The following MYO16 variants were observed in gnomAD, a reference collection of about 807,000 sequenced individuals.
MYO16 encodes unconventional myosin-XVI.
In MYO16, 94 loss-of-function variants were observed where a neutral mutation model predicts 205.3. The observed-to-expected ratio is 0.46, with a 90% CI of 0.39 to 0.54. The LOEUF is 0.54. Ranked by LOEUF, MYO16 falls within the 20% of genes least tolerant of loss-of-function variation. The pLI, the probability that MYO16 is intolerant of heterozygous loss-of-function variation, is 0.00. For missense variants in MYO16, 2,315 were observed against 2,387.5 expected, an observed-to-expected ratio of 0.97 and a Z score of 0.63; for synonymous variants, 988 against 954.0, an observed-to-expected ratio of 1.04 and a Z score of -0.66.
chr13:109,149,379 C>G (rs528834785), intron 32 of MYO16, among the ~76,000 whole-genome samples: 9 of 152,214 alleles, frequency 5.9e-5, no homozygotes, highest in African/African-American at 1.9e-4. Context: ...GCAGGTGTTA[C>G]CATCCCTATT....
intron 4 of MYO16, among the ~76,000 whole-genome samples, chr13:108,764,120 T>G (rs1885703330): frequency 6.6e-6 from 1 of 152,114 alleles, no homozygotes; most frequent in South Asian, 2.1e-4. Context: ...GAAATAAAGT[T>G]GCGAACTGCA....
chr13:108,982,776 T>C (rs189131029), intron 20 of MYO16, among the ~76,000 whole-genome samples: 1 of 152,326 alleles, frequency 6.6e-6, no homozygotes, highest in Non-Finnish European at 1.5e-5. Flanking sequence ...TTAGCCTACA[T>C]ATCTCTTTGG....
chr13:108,902,602 T>TG (rs898223791), intron 15 of MYO16, among the ~76,000 whole-genome samples: 6 of 152,218 alleles, frequency 3.9e-5, no homozygotes, highest in African/African-American at 1.4e-4. Flanking sequence ...TTGACCTCTC[T>TG]GGGGGGACCT....
intron 2 of MYO16, among the ~76,000 whole-genome samples, chr13:108,688,602 G>A (rs1416760157): frequency 2.0e-5 from 3 of 152,080 alleles, no homozygotes; most frequent in Non-Finnish European, 4.4e-5. Context: ...ACTTCCCATA[G>A]GTTTCTTCAT....
At chr13:108,800,323 A>G (rs1886933389) in intron 6 of MYO16, among the ~76,000 whole-genome samples, 1 of 152,202 alleles carries the variant, frequency 6.6e-6, no homozygotes, top group African/African-American at 2.4e-5. Context: ...TCTCTTTGCC[A>G]TAAAATTGGG....
intron 11 of MYO16, among the ~76,000 whole-genome samples, chr13:108,864,818 C>G (rs1009331472): frequency 2.6e-5 from 4 of 152,066 alleles, no homozygotes; most frequent in Non-Finnish European, 5.9e-5. Flanking sequence ...GATTATAGGC[C>G]TGAGCCACTG....
intron 34 of MYO16, among the ~76,000 whole-genome samples, chr13:109,181,801 T>A (rs1474050823): frequency 7.1e-6 from 1 of 141,294 alleles, no homozygotes; most frequent in Admixed American, 7.0e-5. Context: ...TTTCATAAAA[T>A]TTATTTATTT....
At chr13:108,499,318 C>A in the MYO16 span, among the ~76,000 whole-genome samples, 1 of 152,188 alleles carries the variant, frequency 6.6e-6, no homozygotes, top group Admixed American at 6.5e-5. Context: ...TAAGGACTGG[C>A]GAGGTGTGCT....
intron 22 of MYO16, among the ~76,000 whole-genome samples, chr13:109,012,439 G>A (rs949534710): frequency 2.0e-5 from 3 of 152,176 alleles, no homozygotes; most frequent in Non-Finnish European, 4.4e-5. Flanking sequence ...GGATCTAGCT[G>A]CACACTCCTT....
chr13:109,040,385 C>CACACACAGAG lies in MYO16; in HGVS notation c.2797-6530_2797-6529insCACACAGAGA, dbSNP rs1394314811. Among the ~76,000 whole-genome samples the CACACACAGAG allele has an allele frequency of 8.4e-3, 952 of 113,272 alleles. 10 individuals carry two copies. Among genetic ancestry groups the CACACACAGAG allele is most frequent in the South Asian group, 0.021 (58 of 2,786 alleles). The allele number at this position is 113,272 out of a possible 152,430, so 74.3% of individuals were successfully genotyped here. On this transcript the variant is annotated intron_variant, in intron 23 of 34. Transcript: ENST00000457511. ...ATACACACACACACACACACACACA[C>CACACACAGAG]AGAGAGAGAGAGAGAGAGAGAGAGA...
intron 25 of MYO16, among the ~76,000 whole-genome samples, chr13:109,053,017 A>G (rs145006240): frequency 1.1e-4 from 17 of 152,254 alleles, no homozygotes; most frequent in Admixed American, 4.6e-4. Context: ...TCAAGATTCT[A>G]TGTGCCAAAA....
At chr13:108,914,274 T>G (rs764847176) in intron 16 of MYO16, among the ~76,000 whole-genome samples, 17 of 151,380 alleles carry the variant, frequency 1.1e-4, no homozygotes, top group Non-Finnish European at 2.1e-4. Context: ...TATCTACTAT[T>G]ATTAAGAATG....
chr13:109,066,435 A>G (rs1335363524), intron 27 of MYO16, among the ~76,000 whole-genome samples: 1 of 152,182 alleles, frequency 6.6e-6, no homozygotes, highest in East Asian at 1.9e-4. Flanking sequence ...CTGCTTGTTT[A>G]AGGTTTAACG....
At chr13:109,115,320 A>G (rs1028544002) in intron 28 of MYO16, among the ~76,000 whole-genome samples, 1 of 151,022 alleles carries the variant, frequency 6.6e-6, no homozygotes, top group Non-Finnish European at 1.5e-5. Flanking sequence ...ATCAATGACA[A>G]TTTTGTTTAA....
intron 21 of MYO16, among the ~76,000 whole-genome samples, chr13:109,001,979 C>T (rs924902803): frequency 6.6e-6 from 1 of 152,116 alleles, no homozygotes; most frequent in African/African-American, 2.4e-5. Flanking sequence ...CTTATATATA[C>T]ACATATATAT....
At chr13:108,525,614 C>T in the MYO16 span, among the ~76,000 whole-genome samples, 7 of 152,236 alleles carry the variant, frequency 4.6e-5, no homozygotes, top group South Asian at 2.1e-4. Flanking sequence ...AGTTAAAAAC[C>T]GCTGATCTTG....
At chr13:108,951,109 C>T (rs980484132) in intron 16 of MYO16, among the ~76,000 whole-genome samples, 9 of 151,638 alleles carry the variant, frequency 5.9e-5, no homozygotes, top group East Asian at 3.9e-4. Flanking sequence ...CTTATGATTA[C>T]GCGTAATACT....
intron 27 of MYO16, among the ~76,000 whole-genome samples, chr13:109,100,101 G>A (rs574296884): frequency 6.6e-6 from 1 of 152,196 alleles, no homozygotes; most frequent in South Asian, 2.1e-4. Context: ...TGTATCTCAG[G>A]TTAACCACTG....
intron 20 of MYO16, among the ~76,000 whole-genome samples, chr13:108,991,121 G>A (rs1206747836): frequency 2.0e-5 from 3 of 152,128 alleles, no homozygotes; most frequent in African/African-American, 4.8e-5. Flanking sequence ...GGTGGGGTAC[G>A]TGCCCCTCCC....
Sources: gnomAD v4.1 joint callset for allele counts (sites outside exome capture counted in the v4.1 genomes callset) on GRCh38, gnomAD v4.1.1 for gene constraint, MANE v1.5 for transcripts, NCBI Gene and HGNC (gene_info 2026-07-23, HGNC 2026-07-21) for gene names.